The following ZFYVE28 variants were observed in gnomAD, a reference collection of about 807,000 sequenced individuals.
The protein encoded by ZFYVE28 is zinc finger FYVE-type containing 28, also known as lateral signaling target protein 2 homolog.
ZFYVE28 carries 40 observed loss-of-function variants against 82.1 expected under a neutral mutation model. The observed-to-expected ratio is 0.49, with a 90% confidence interval of 0.38 to 0.63. ZFYVE28 has a LOEUF of 0.63. ZFYVE28 is among the 30% of genes least tolerant of loss of function. ZFYVE28 has a pLI of 0.00. For missense variants in ZFYVE28, 1,321 were observed against 1,242.1 expected, an observed-to-expected ratio of 1.06 and a Z score of -0.96; for synonymous variants, 612 against 546.1, an observed-to-expected ratio of 1.12 and a Z score of -1.68.
At chr4:2,398,136 G>T (rs1232806504) in intron 1 of ZFYVE28, among the ~76,000 whole-genome samples, 1 of 152,212 alleles carries the variant, frequency 6.6e-6, no homozygotes, top group Non-Finnish European at 1.5e-5. Flanking sequence ...ATACAAGTGT[G>T]AGGCACCAAG....
intron 8 of ZFYVE28, among the ~76,000 whole-genome samples, chr4:2,292,045 G>T (rs960366667): frequency 6.6e-6 from 1 of 152,196 alleles, no homozygotes; most frequent in Non-Finnish European, 1.5e-5. Context: ...CCTAGAGCCA[G>T]CACGTCCCCC....
At chr4:2,365,894 C>A (rs1441980428) in intron 1 of ZFYVE28, among the ~76,000 whole-genome samples, 1 of 152,204 alleles carries the variant, frequency 6.6e-6, no homozygotes. Flanking sequence ...ACACTGGGGA[C>A]TGGGGGCTCC....
Position 2,418,632 on chromosome 4 carries a change from G to T in ZFYVE28, c.-309C>A, listed in dbSNP as rs533149450. ...TCCTCGCTGCTCACTGACACCCAGC[G>T]CTCCGCTGGTCACGGCCGCCCCGCG... On this transcript the variant is annotated 5_prime_UTR_variant, in exon 1 of 13. Coordinates refer to ENST00000290974, the MANE Select transcript of ZFYVE28 (RefSeq NM_020972.3). This position sits in a 1 kb window ranked among gnomAD's most constrained non-coding sequence, Gnocchi z 4.6. 6.7e-6 allele frequency: 1 copy of T among 149,804 alleles called. No individual in the cohort carries two copies. Among genetic ancestry groups the T allele is most frequent in the Non-Finnish European group, 1.5e-5 (1 of 67,684 alleles). 9.3% of individuals were successfully genotyped at this position (149,804 alleles called of 1,614,324 possible).
In ZFYVE28 at chr4:2,372,998, C is replaced by G. The variant is rs971502398; in HGVS notation, c.40-18925G>C. Among the ~76,000 whole-genome samples the G allele has an allele frequency of 1.6e-4, 25 of 152,136 alleles. No homozygotes were observed. The highest frequency in any genetic ancestry group is 6.0e-4 in the African/African-American group (25 of 41,408). ...GGCAGACACTCGGGGTACCCTTACC[C>G]TATGCCTGAGCCAGCCTCTACCCCC... On this transcript the variant is annotated intron_variant, in intron 1 of 12. Coordinates refer to ENST00000290974, the MANE Select transcript of ZFYVE28 (RefSeq NM_020972.3). This position sits in a 1 kb window ranked among gnomAD's most constrained non-coding sequence, Gnocchi z 5.2.
intron 6 of ZFYVE28, among the ~76,000 whole-genome samples, chr4:2,334,770 ACTTCCGCCTCCCCT>A (rs1721345126): frequency 3.1e-4 from 2 of 6,404 alleles, no homozygotes; most frequent in Non-Finnish European, 6.0e-4. Context: ...CCCCCTCCCC[ACTTCCGCCTCCCCT>A]CTTCCCCCTC....
intron 1 of ZFYVE28, among the ~76,000 whole-genome samples, chr4:2,379,958 T>C (rs1728560007): frequency 6.6e-6 from 1 of 152,098 alleles, no homozygotes; most frequent in African/African-American, 2.4e-5. Flanking sequence ...CAGCTAATTT[T>C]TGCATTTTTA....
At chr4:2,387,402 G>C (rs1729388633) in intron 1 of ZFYVE28, among the ~76,000 whole-genome samples, 1 of 152,232 alleles carries the variant, frequency 6.6e-6, no homozygotes, top group Non-Finnish European at 1.5e-5. Flanking sequence ...CCTCCTGCCG[G>C]CCGGAAGCAG....
At chr4:2,344,308 A>G (rs1305857998) in intron 2 of ZFYVE28, among the ~76,000 whole-genome samples, 1 of 152,212 alleles carries the variant, frequency 6.6e-6, no homozygotes, top group Non-Finnish European at 1.5e-5. Flanking sequence ...ACGCACCTGA[A>G]TGATTTGAGG....
chr4:2,365,887 C>A (rs1726830582), intron 1 of ZFYVE28, among the ~76,000 whole-genome samples: 2 of 152,212 alleles, frequency 1.3e-5, no homozygotes, highest in Admixed American at 1.3e-4. Context: ...GGTTCAGACA[C>A]TGGGGACTGG....
intron 7 of ZFYVE28, among the ~76,000 whole-genome samples, chr4:2,315,011 A>C (rs1718003181): frequency 6.6e-6 from 1 of 152,058 alleles, no homozygotes; most frequent in African/African-American, 2.4e-5. Context: ...CCTGAGGTCA[A>C]GGAATCCTCC....
At chr4:2,273,143 C>G (rs1443348331) in intron 10 of ZFYVE28, 30 bp downstream of exon 10, 1 of 1,574,954 alleles carries the variant, frequency 6.3e-7, no homozygotes, top group African/African-American at 1.3e-5. Flanking sequence ...CCAGCGCAGG[C>G]CTCAGAGCCC....
chr4:2,334,213 T>C (rs1721199517), intron 6 of ZFYVE28, among the ~76,000 whole-genome samples: 1 of 152,070 alleles, frequency 6.6e-6, no homozygotes, highest in African/African-American at 2.4e-5. Flanking sequence ...CCTGAGCTAT[T>C]GGAGGGGACT....
At chr4:2,403,341 G>A (rs546685878) in intron 1 of ZFYVE28, among the ~76,000 whole-genome samples, 26 of 152,368 alleles carry the variant, frequency 1.7e-4, no homozygotes, top group African/African-American at 5.3e-4. Flanking sequence ...GAAGCAGTGC[G>A]TGGAACCTTC....
intron 1 of ZFYVE28, 151 bp from the exon 2 acceptor site, chr4:2,354,224 G>A: frequency 2.2e-6 from 2 of 912,608 alleles, no homozygotes. Context: ...TCCACACCAG[G>A]ATCTAGAGGG....
intron 6 of ZFYVE28, among the ~76,000 whole-genome samples, chr4:2,327,204 C>T (rs1362743321): frequency 2.1e-5 from 3 of 143,270 alleles, no homozygotes; most frequent in Non-Finnish European, 3.0e-5. Flanking sequence ...GAGCTGAGAT[C>T]GCACCACTGC....
intron 10 of ZFYVE28, 35 bp from the exon 11 acceptor site, chr4:2,271,814 G>C (rs1383079735): frequency 1.3e-6 from 2 of 1,596,826 alleles, no homozygotes; most frequent in Non-Finnish European, 1.7e-6. Context: ...GGTATGGTGA[G>C]GGAGGCGGGC....
chr4:2,296,009 G>T (rs1410427635), intron 8 of ZFYVE28, among the ~76,000 whole-genome samples: 1 of 152,176 alleles, frequency 6.6e-6, no homozygotes. Flanking sequence ...AGAAGCTGTG[G>T]TCACCAGGGA....
At position 2,394,170 on chromosome 4, in the gene ZFYVE28, C is replaced by A. The variant is rs1730173433; in HGVS notation, c.39+24115G>T. Among the ~76,000 whole-genome samples the A allele has an allele frequency of 6.6e-6, 1 of 152,250 alleles. No homozygotes were observed. Among genetic ancestry groups the A allele is most frequent in the Non-Finnish European group, 1.5e-5 (1 of 68,040 alleles). On this transcript the variant is annotated intron_variant, in intron 1 of 12. Coordinates refer to ENST00000290974, the MANE Select transcript of ZFYVE28 (RefSeq NM_020972.3). The surrounding 1 kb of genome is among the most constrained non-coding windows in gnomAD (Gnocchi z 4.0). Reference sequence around the variant, plus strand: ...ACTACTGAGGACTCCTGTGGTTCCACTGGGGCCACCGACATAATCCAGGAA... The same window carrying A: ...ACTACTGAGGACTCCTGTGGTTCCAATGGGGCCACCGACATAATCCAGGAA...
intron 6 of ZFYVE28, among the ~76,000 whole-genome samples, chr4:2,322,783 GCTTT>G (rs1202081325): frequency 6.6e-6 from 1 of 152,112 alleles, no homozygotes; most frequent in Admixed American, 6.5e-5. Context: ...TCCCTCATCT[GCTTT>G]CTGTCTCTAT....
Sources: allele counts gnomAD v4.1 joint callset (sites outside exome capture counted in the v4.1 genomes callset), GRCh38; gene constraint gnomAD v4.1.1; non-coding constraint Gnocchi (gnomAD v3.1); transcripts MANE v1.5; gene names NCBI Gene and HGNC (gene_info 2026-07-23, HGNC 2026-07-21).